Variants in KDM5B observed in about 807,000 individuals in gnomAD.
The protein encoded by KDM5B is lysine-specific demethylase 5B.
A neutral mutation model predicts 193.4 loss-of-function variants in KDM5B; 144 were observed. That is an observed-to-expected ratio of 0.74 (90% CI 0.65 to 0.86). The LOEUF (loss-of-function observed/expected upper bound fraction) is 0.86. Among genes scored for constraint, KDM5B ranks in the 40% least tolerant of loss-of-function variants. KDM5B has a pLI of 0.00. For synonymous variants in KDM5B, 668 were observed against 682.6 expected (o/e 0.98, Z 0.33); for missense variants, 1,833 against 1,886.9 (o/e 0.97, Z 0.53).
intron 11 of KDM5B, 62 bp from the exon 12 acceptor site, chr1:202,753,129 A>G (rs1360483197): frequency 1.6e-5 from 23 of 1,429,908 alleles, no homozygotes; most frequent in Non-Finnish European, 2.0e-5. Context: ...ATGGGTTACC[A>G]GTTCATATTT....
At chr1:202,776,502 C>A (rs1572755772) in intron 2 of KDM5B, among the ~76,000 whole-genome samples, 2 of 152,180 alleles carry the variant, frequency 1.3e-5, no homozygotes, top group South Asian at 4.2e-4. Context: ...CATAGGGAGA[C>A]CTCAACCCTA....
intron 1 of KDM5B, among the ~76,000 whole-genome samples, chr1:202,782,572 C>T (rs1450006928): frequency 6.6e-6 from 1 of 152,054 alleles, no homozygotes; most frequent in Non-Finnish European, 1.5e-5. Context: ...AATAAAGCTT[C>T]TAAGGTGAAA....
chr1:202,802,589 C>T (rs1354503590), intron 1 of KDM5B, among the ~76,000 whole-genome samples: 3 of 151,978 alleles, frequency 2.0e-5, no homozygotes, highest in Non-Finnish European at 2.9e-5. Context: ...GACAGGGTTT[C>T]GCTATGTTGG....
intron 4 of KDM5B, chr1:202,767,474 C>A: frequency 2.0e-6 from 2 of 1,000,980 alleles, no homozygotes; most frequent in Admixed American, 1.9e-5. Context: ...GATGAAATGG[C>A]GGCACCTCAC....
At chr1:202,756,723 G>A (rs1361105150) in intron 9 of KDM5B, among the ~76,000 whole-genome samples, 1 of 152,154 alleles carries the variant, frequency 6.6e-6, no homozygotes, top group African/African-American at 2.4e-5. Context: ...ACTGTAAAAG[G>A]GAGCCAAGGA....
Position 202,741,618 on chromosome 1 carries a change from A to C in KDM5B, c.2694T>G (p.Phe898Leu). ...AELQDLLDVS[F>L]EFDVELPQLA... ...GCTGTGGAAGTTCAACATCAAATTC[A>C]AAGCTGACATCTAGCAAGTCCTGCA... The change falls in exon 19 of 27, where the codon TTT (phenylalanine) becomes TTG (leucine). Residue 898 changes from phenylalanine to leucine, a missense_variant. Physicochemically the swap from Phe to Leu is conservative, Grantham distance 22. Transcript: ENST00000367265. 6.2e-7 allele frequency: 1 copy of C among 1,614,238 alleles called. No homozygotes were observed. Among genetic ancestry groups the C allele is most frequent in the Non-Finnish European group, 8.5e-7 (1 of 1,180,030 alleles).
intron 7 of KDM5B, among the ~76,000 whole-genome samples, chr1:202,762,279 CCTT>C (rs1656282822): frequency 6.6e-6 from 1 of 151,754 alleles, no homozygotes; most frequent in African/African-American, 2.4e-5. Context: ...CTTTTTTGTT[CCTT>C]CTTTTCATTT....
At position 202,729,236 on chromosome 1, in the gene KDM5B, G is replaced by T. The variant is rs1170294972; in HGVS notation, c.4498-63C>A. ...AAAAAATGGATTCAAAATTGGGCAG[G>T]CCAGCCTCAAGAAATTCAGGCCGTT... On this transcript the variant is annotated intron_variant, in intron 26 of 26. Coordinates refer to ENST00000367265, the MANE Select transcript of KDM5B (RefSeq NM_006618.5). 6.3e-6 allele frequency: 10 copies of T among 1,591,126 alleles called. No individual in the cohort carries two copies. In the African/African-American group the frequency reaches 1.2e-4, roughly 19 times the overall value.
chr1:202,750,875 A>C, intron 12 of KDM5B, 97 bp from the exon 13 acceptor site: 2 of 1,301,848 alleles, frequency 1.5e-6, no homozygotes, highest in South Asian at 1.5e-5. Flanking sequence ...TTTTCAAAAA[A>C]AGGCAGCTTT....
intron 2 of KDM5B, chr1:202,776,314 TA>T (rs1314758835): frequency 2.0e-5 from 3 of 152,172 alleles, no homozygotes; most frequent in Non-Finnish European, 4.4e-5. Context: ...AAACACTCAG[TA>T]AACCTTCCTG....
chr1:202,767,107 C>T lies in KDM5B; in HGVS notation c.577-47G>A, dbSNP rs962483885. On this transcript the variant is annotated intron_variant, in intron 4 of 26. Transcript: ENST00000367265. ...ATAAATTCCCTCCTTTTTTTTTTCACATCATAAGTTTATTGACAAACATAT... is the reference window on the plus strand; with the variant it reads ...ATAAATTCCCTCCTTTTTTTTTTCATATCATAAGTTTATTGACAAACATAT... The T allele has an allele frequency of 4.4e-6, 7 of 1,594,752 alleles. No homozygotes were observed. In the African/African-American group the frequency reaches 5.5e-5, roughly 13 times the overall value.
At chr1:202,766,615 A>G (rs1259412484) in intron 5 of KDM5B, 7 of 455,994 alleles carry the variant, frequency 1.5e-5, no homozygotes, top group African/African-American at 1.4e-4. Context: ...CCATTAAACA[A>G]CGCCAATTTT....
At chr1:202,731,700 A>G (rs1301244801) in intron 24 of KDM5B, 128 bp downstream of exon 24, 1 of 717,676 alleles carries the variant, frequency 1.4e-6, no homozygotes, top group Non-Finnish European at 2.4e-6. Flanking sequence ...TTGCAAATAC[A>G]TAATAGCCTA....
chr1:202,754,558 G>A (rs1221969512), intron 11 of KDM5B, among the ~76,000 whole-genome samples: 1 of 152,120 alleles, frequency 6.6e-6, no homozygotes, highest in Non-Finnish European at 1.5e-5. Flanking sequence ...CAGACCTGGA[G>A]GACACTGTGG....
At chr1:202,751,700 G>T (rs531289867) in intron 12 of KDM5B, among the ~76,000 whole-genome samples, 2 of 152,198 alleles carry the variant, frequency 1.3e-5, no homozygotes, top group African/African-American at 4.8e-5. Context: ...CACCACCCTT[G>T]TATTATCTGT....
chr1:202,782,508 CTT>C (rs34710457), intron 1 of KDM5B, among the ~76,000 whole-genome samples: 1 of 152,190 alleles, frequency 6.6e-6, no homozygotes, highest in East Asian at 1.9e-4. Flanking sequence ...CAAGCCATGA[CTT>C]TTAAATGGGG....
intron 1 of KDM5B, among the ~76,000 whole-genome samples, chr1:202,795,298 C>A (rs1489572452): frequency 6.6e-6 from 1 of 152,088 alleles, no homozygotes; most frequent in East Asian, 1.9e-4. Context: ...ACTGTCCTCA[C>A]CTATTTTTGG....
In KDM5B at chr1:202,733,588, C is replaced by T. The variant is rs1162265740; in HGVS notation, c.3722G>A (p.Arg1241His). 6.2e-6 allele frequency: 10 copies of T among 1,614,114 alleles called. No individual in the cohort carries two copies. Among genetic ancestry groups the T allele is most frequent in the South Asian group, 3.3e-5 (3 of 91,078 alleles). Residue 1241 changes from arginine to histidine, a missense_variant, in exon 23 of 27, where the codon CGT becomes CAT. Transcript: ENST00000367265. ...TCCCTCAGGAAGGCGAACTCGGATA[C>T]GCTGAAGGGAGGCGAGCAGGGGCAG... Reference protein sequence around the residue: ...KILPLLASLQRIRVRLPEGDA... With the variant: ...KILPLLASLQHIRVRLPEGDA...
intron 18 of KDM5B, among the ~76,000 whole-genome samples, chr1:202,741,937 C>CTT (rs35991410): frequency 8.2e-4 from 121 of 147,196 alleles, no homozygotes; most frequent in Non-Finnish European, 9.0e-4. Context: ...GTCACTTTCT[C>CTT]TTTTTTTTTT....
Sources: allele counts gnomAD v4.1 joint callset (sites outside exome capture counted in the v4.1 genomes callset), GRCh38; gene constraint gnomAD v4.1.1; transcripts MANE v1.5; gene names NCBI Gene and HGNC (gene_info 2026-07-23, HGNC 2026-07-21).